The following KIF26B variants were observed in gnomAD, a reference collection of about 807,000 sequenced individuals.
KIF26B encodes the protein kinesin-like protein KIF26B.
KIF26B carries 63 observed loss-of-function variants against 151.2 expected under a neutral mutation model. The observed-to-expected ratio is 0.42, with a 90% CI of 0.34 to 0.51. KIF26B has a LOEUF of 0.51. KIF26B is among the 20% of genes least tolerant of loss of function. KIF26B has a pLI of 0.07. For missense variants in KIF26B, 2,813 were observed against 2,913.6 expected, an observed-to-expected ratio of 0.97 and a Z score of 0.79; for synonymous variants, 1,357 against 1,262.1, an observed-to-expected ratio of 1.08 and a Z score of -1.59.
At chr1:245,568,605 G>T (rs953054176) in intron 5 of KIF26B, among the ~76,000 whole-genome samples, 3 of 152,220 alleles carry the variant, frequency 2.0e-5, no homozygotes, top group African/African-American at 7.2e-5. Flanking sequence ...AATGAACAGG[G>T]AGCTAGCGGT....
At chr1:245,339,191 G>C (rs1672290412) in intron 2 of KIF26B, among the ~76,000 whole-genome samples, 1 of 152,032 alleles carries the variant, frequency 6.6e-6, no homozygotes, top group African/African-American at 2.4e-5. Flanking sequence ...TGTTGGTCAG[G>C]CTGGTCTCGA....
intron 2 of KIF26B, among the ~76,000 whole-genome samples, chr1:245,277,532 C>A (rs1488477832): frequency 6.6e-6 from 1 of 152,124 alleles, no homozygotes; most frequent in Non-Finnish European, 1.5e-5. Context: ...AAGGCTGAGC[C>A]TGTGTGGCTC....
chr1:245,350,152 G>C (rs930520905), intron 2 of KIF26B, among the ~76,000 whole-genome samples: 1 of 152,016 alleles, frequency 6.6e-6, no homozygotes, highest in South Asian at 2.1e-4. Flanking sequence ...TGGTGGACCC[G>C]CCTGAGTCTG....
intron 7 of KIF26B, among the ~76,000 whole-genome samples, chr1:245,608,254 C>A (rs1441390861): frequency 1.3e-5 from 2 of 152,230 alleles, no homozygotes; most frequent in Non-Finnish European, 2.9e-5. Flanking sequence ...AGCCCCCCAA[C>A]AAGGGGTTCA....
At chr1:245,483,537 A>G (rs1252900922) in intron 4 of KIF26B, among the ~76,000 whole-genome samples, 3 of 151,834 alleles carry the variant, frequency 2.0e-5, no homozygotes, top group African/African-American at 7.2e-5. Flanking sequence ...AAAGTGCAGA[A>G]ATGAAGTTTG....
rs535508616 is a variant in KIF26B, at chr1:245,420,791, G to T, written c.1166+1046G>T. Among the ~76,000 whole-genome samples, 4 of 152,334 alleles carry T rather than the reference G, an allele frequency of 2.6e-5. No homozygotes were observed. The East Asian group carries it at 7.7e-4, about 29-fold the overall frequency. ...TGGTTACTACTATGTCAGTAAGAAG[G>T]AATATTGTGTGGCTTTGCTTGTTAT... On this transcript the variant is annotated intron_variant, in intron 4 of 14. Transcript: ENST00000407071.
intron 4 of KIF26B, among the ~76,000 whole-genome samples, chr1:245,496,320 T>G (rs975427337): frequency 3.3e-5 from 5 of 151,986 alleles, no homozygotes; most frequent in African/African-American, 1.2e-4. Flanking sequence ...GTTCAGAAAA[T>G]AAATATAGGG....
intron 2 of KIF26B, among the ~76,000 whole-genome samples, chr1:245,273,234 T>C (rs891203989): frequency 6.6e-6 from 1 of 151,932 alleles, no homozygotes; most frequent in African/African-American, 2.4e-5. Flanking sequence ...GGCAACATGG[T>C]GAAACCCTGT....
chr1:245,561,723 G>A (rs1299953884), intron 5 of KIF26B, among the ~76,000 whole-genome samples: 4 of 152,200 alleles, frequency 2.6e-5, no homozygotes, highest in Non-Finnish European at 5.9e-5. Flanking sequence ...AGGAAACTGA[G>A]GCCTAGAGAG....
chr1:245,684,935 G>T (rs2044490249), intron 11 of KIF26B, among the ~76,000 whole-genome samples: 1 of 152,264 alleles, frequency 6.6e-6, no homozygotes, highest in South Asian at 2.1e-4. Context: ...TCAGGCAGAG[G>T]CCAAGCCAGG....
At chr1:245,646,368 C>A in intron 10 of KIF26B, 88 bp downstream of exon 10, 1 of 1,405,934 alleles carries the variant, frequency 7.1e-7, no homozygotes, top group Non-Finnish European at 9.7e-7. Flanking sequence ...AGGTGTGCCA[C>A]AGAGGGACAG....
At chr1:245,300,781 G>A (rs1671416416) in intron 2 of KIF26B, among the ~76,000 whole-genome samples, 1 of 151,032 alleles carries the variant, frequency 6.6e-6, no homozygotes, top group African/African-American at 2.4e-5. Context: ...CACCCGCCTC[G>A]GCTTCCCAAA....
intron 3 of KIF26B, among the ~76,000 whole-genome samples, chr1:245,369,530 T>C (rs1198479277): frequency 6.6e-6 from 1 of 152,218 alleles, no homozygotes; most frequent in African/African-American, 2.4e-5. Flanking sequence ...ATTTACAAAA[T>C]CTAACATATG....
At position 245,686,372 on chromosome 1, in the gene KIF26B, G is replaced by A. The variant is rs778953530; in HGVS notation, c.3389G>A (p.Gly1130Glu). ...CCCGAGGTGCGTACGCCCCCGGTTG[G>A]AATGAGCCCCCAGGTTTTGAAAAAA... is the stretch of plus-strand genomic sequence containing the variant. ...LQPEVRTPPVGMSPQVLKKSM... is the reference protein window; with the variant it reads ...LQPEVRTPPVEMSPQVLKKSM... The change falls in exon 12 of 15, where the codon GGA (glycine) becomes GAA (glutamate). Residue 1130 changes from glycine to glutamate, a missense_variant. By Grantham distance (98) the Gly-to-Glu change is moderately conservative. Coordinates refer to ENST00000407071, the MANE Select transcript of KIF26B (RefSeq NM_018012.4). This position sits in a 1 kb window ranked among gnomAD's most constrained non-coding sequence, Gnocchi z 5.6. 3.7e-6 allele frequency: 6 copies of A among 1,613,412 alleles called. No individual in the cohort carries two copies. Among genetic ancestry groups the A allele is most frequent in the Non-Finnish European group, 5.1e-6 (6 of 1,179,890 alleles).
intron 2 of KIF26B, among the ~76,000 whole-genome samples, chr1:245,232,835 C>A (rs566018262): frequency 6.6e-6 from 1 of 152,334 alleles, no homozygotes; most frequent in Non-Finnish European, 1.5e-5. Flanking sequence ...GAGGCATGAG[C>A]CATCGCACCC....
At chr1:245,640,143 C>CTCTCTCTCTATATATATATATATATATA in intron 9 of KIF26B, among the ~76,000 whole-genome samples, 1 of 31,934 alleles carries the variant, frequency 3.1e-5, no homozygotes, top group African/African-American at 1.4e-4. Flanking sequence ...CTCTCTCTCT[C>CTCTCTCTCTATATATATATATATATATA]TATATATATA....
At chr1:245,219,995 T>G (rs888082679) in intron 2 of KIF26B, among the ~76,000 whole-genome samples, 1 of 152,144 alleles carries the variant, frequency 6.6e-6, no homozygotes, top group Non-Finnish European at 1.5e-5. Flanking sequence ...CTTCTTCCCT[T>G]GCCTTCATAG....
chr1:245,474,233 C>T (rs887274813), intron 4 of KIF26B, among the ~76,000 whole-genome samples: 6 of 127,154 alleles, frequency 4.7e-5, no homozygotes, highest in East Asian at 4.4e-4. Context: ...CTCAGCCTCC[C>T]GAGTGGCTGG....
intron 2 of KIF26B, among the ~76,000 whole-genome samples, chr1:245,185,004 A>C (rs529971095): frequency 6.6e-6 from 1 of 152,320 alleles, no homozygotes; most frequent in Non-Finnish European, 1.5e-5. Flanking sequence ...CCAGATTGGA[A>C]TCCTAGACAT....
Sources: allele counts gnomAD v4.1 joint callset (sites outside exome capture counted in the v4.1 genomes callset), GRCh38; gene constraint gnomAD v4.1.1; non-coding constraint Gnocchi (gnomAD v3.1); transcripts MANE v1.5; gene names NCBI Gene and HGNC (gene_info 2026-07-23, HGNC 2026-07-21).